The following JAKMIP3 variants were observed in gnomAD, a reference collection of about 807,000 sequenced individuals.
JAKMIP3 encodes the protein Janus kinase and microtubule interacting protein 3.
JAKMIP3 carries 58 observed loss-of-function variants against 118.5 expected under a neutral mutation model. That is an observed-to-expected ratio of 0.49 (90% CI 0.40 to 0.61). The LOEUF is 0.61. Ranked by LOEUF, JAKMIP3 falls within the 20% of genes least tolerant of loss-of-function variation. The pLI is 0.00. For synonymous variants in JAKMIP3, 486 were observed against 451.2 expected (o/e 1.08, Z -0.98); for missense variants, 950 against 1,109.0 (o/e 0.86, Z 2.04).
At chr10:132,150,195 G>C (rs1011767780) in intron 16 of JAKMIP3, among the ~76,000 whole-genome samples, 154 bp downstream of exon 16, 1 of 151,620 alleles carries the variant, frequency 6.6e-6, no homozygotes, top group Non-Finnish European at 1.5e-5. Context: ...GCTCAGAATC[G>C]GAGCCTTCCT....
chr10:132,077,006 G>A (rs1389181643), intron 1 of JAKMIP3, among the ~76,000 whole-genome samples: 4 of 152,086 alleles, frequency 2.6e-5, no homozygotes, highest in African/African-American at 7.2e-5. Context: ...GGGTCTTACC[G>A]CGTGAGGGCT....
intron 1 of JAKMIP3, among the ~76,000 whole-genome samples, chr10:132,068,752 G>A (rs1191405269): frequency 6.6e-6 from 1 of 152,174 alleles, no homozygotes; most frequent in Non-Finnish European, 1.5e-5. Flanking sequence ...AGGCTCTCAG[G>A]AGCTGAGTTC....
At chr10:132,172,503 G>A (rs1232501626) in intron 23 of JAKMIP3, among the ~76,000 whole-genome samples, 4 of 152,050 alleles carry the variant, frequency 2.6e-5, no homozygotes, top group Admixed American at 2.0e-4. Flanking sequence ...CTGTGGGGAC[G>A]TGCTCTCCCC....
intron 2 of JAKMIP3, among the ~76,000 whole-genome samples, chr10:132,114,982 A>C (rs1012745625): frequency 6.6e-6 from 1 of 152,196 alleles, no homozygotes; most frequent in Non-Finnish European, 1.5e-5. Context: ...CATTCAACCA[A>C]TGTAATGAAT....
At chr10:132,081,656 T>C (rs2041779999) in intron 1 of JAKMIP3, among the ~76,000 whole-genome samples, 1 of 152,170 alleles carries the variant, frequency 6.6e-6, no homozygotes, top group Non-Finnish European at 1.5e-5. Flanking sequence ...GCCTCCGTTA[T>C]TCTTGTCCTC....
At chr10:132,060,096 G>C (rs1446096972), upstream of JAKMIP3, among the ~76,000 whole-genome samples, 1 of 152,172 alleles carries the variant, frequency 6.6e-6, no homozygotes, top group Admixed American at 6.5e-5. Context: ...TTGGACCCTC[G>C]ATGCACTGAG....
intron 16 of JAKMIP3, among the ~76,000 whole-genome samples, chr10:132,150,860 C>G (rs556957630): frequency 6.6e-6 from 1 of 152,248 alleles, no homozygotes; most frequent in Admixed American, 6.5e-5. Flanking sequence ...CATAATCCAT[C>G]TATCCATCCT....
At chr10:132,098,907 G>A (rs1207446468) in intron 1 of JAKMIP3, among the ~76,000 whole-genome samples, 1 of 152,228 alleles carries the variant, frequency 6.6e-6, no homozygotes, top group African/African-American at 2.4e-5. Context: ...CCTCCTCAGG[G>A]TGTTCTTACA....
chr10:132,170,536 A>C (rs114634134), intron 23 of JAKMIP3, among the ~76,000 whole-genome samples: 2,809 of 152,268 alleles, frequency 0.018, 95 homozygotes, highest in African/African-American at 0.065. Context: ...GGCCCCCCAC[A>C]GCTGCCCTCG....
intron 1 of JAKMIP3, among the ~76,000 whole-genome samples, chr10:132,051,755 G>A (rs1289045207): frequency 6.6e-6 from 1 of 152,108 alleles, no homozygotes; most frequent in Admixed American, 6.5e-5. Flanking sequence ...AGAGGCATCG[G>A]CAATCACACC....
intron 2 of JAKMIP3, among the ~76,000 whole-genome samples, chr10:132,115,397 AGAG>A (rs2047487143): frequency 2.6e-5 from 4 of 152,226 alleles, no homozygotes; most frequent in Non-Finnish European, 4.4e-5. Flanking sequence ...CCAGCGGCCC[AGAG>A]GAGGCCTCCG....
chr10:132,121,897 G>T (rs1335894352), intron 3 of JAKMIP3, among the ~76,000 whole-genome samples: 1 of 152,182 alleles, frequency 6.6e-6, no homozygotes, highest in Admixed American at 6.5e-5. Flanking sequence ...GTGAAGGAGG[G>T]GGAGGGTCTG....
At chr10:132,147,761 C>T (rs1299451634) in intron 13 of JAKMIP3, among the ~76,000 whole-genome samples, 191 bp from the exon 14 acceptor site, 4 of 152,264 alleles carry the variant, frequency 2.6e-5, no homozygotes, top group African/African-American at 9.6e-5. Flanking sequence ...CACCCACCAC[C>T]GGATGGCTAG....
In JAKMIP3 at chr10:132,162,059, G is replaced by T. The variant is rs558402657; in HGVS notation, c.2221-1150G>T. Among the ~76,000 whole-genome samples the T allele has an allele frequency of 2.3e-5, 3 of 128,086 alleles. No homozygotes were observed. The South Asian group carries it at 7.9e-4, about 34-fold the overall frequency. 84.0% of individuals were successfully genotyped at this position (128,086 alleles called of 152,430 possible). A position where few individuals can be genotyped will look rare whatever the true frequency, so the allele number is the denominator to read the frequency against. On this transcript the variant is annotated intron_variant, in intron 19 of 23. Transcript: ENST00000684848. ...GTCGTTCATGGTGTGGCTCTCGGTCGCTCGGGTGCCCTCAGGTGACCCACA... is the reference window on the plus strand; with the variant it reads ...GTCGTTCATGGTGTGGCTCTCGGTCTCTCGGGTGCCCTCAGGTGACCCACA...
In JAKMIP3 at chr10:132,104,692, TG is replaced by T. The variant is rs1400542580; in HGVS notation, c.-116del. 9.6e-7 allele frequency: 1 copy of T among 1,037,584 alleles called. No individual in the cohort carries two copies. The highest frequency in any genetic ancestry group is 1.4e-6 in the Non-Finnish European group (1 of 707,432). 64.3% of individuals were successfully genotyped at this position (1,037,584 alleles called of 1,614,324 possible). Reference sequence around the variant, plus strand: ...TCCAGGTGAATGAGAAGATGTAGTGTGACAGCAGCCCGGGTGACACCTGCTG... The same window carrying T: ...TCCAGGTGAATGAGAAGATGTAGTGTACAGCAGCCCGGGTGACACCTGCTG... On this transcript the variant is annotated 5_prime_UTR_variant, in exon 2 of 24. The change creates a premature stop within an existing upstream ORF in the 5' untranslated region. Transcript: ENST00000684848.
At chr10:132,067,420 A>G (rs2038961520) in intron 1 of JAKMIP3, among the ~76,000 whole-genome samples, 1 of 151,882 alleles carries the variant, frequency 6.6e-6, no homozygotes, top group Non-Finnish European at 1.5e-5. Flanking sequence ...AGCCCTGGGA[A>G]GGCCTTACTA....
intron 3 of JAKMIP3, among the ~76,000 whole-genome samples, chr10:132,129,337 C>A (rs2050161719): frequency 6.6e-6 from 1 of 152,212 alleles, no homozygotes; most frequent in South Asian, 2.1e-4. Context: ...CAGCCACTTA[C>A]ATTTCTACTT....
intron 1 of JAKMIP3, among the ~76,000 whole-genome samples, chr10:132,087,928 A>G (rs1046406875): frequency 6.6e-6 from 1 of 151,902 alleles, no homozygotes; most frequent in African/African-American, 2.4e-5. Flanking sequence ...TCATTGTTCA[A>G]TTCCCACCTA....
chr10:132,059,899 T>A (rs540033638), upstream of JAKMIP3, among the ~76,000 whole-genome samples: 1 of 152,238 alleles, frequency 6.6e-6, no homozygotes, highest in African/African-American at 2.4e-5. Flanking sequence ...GAGCTTTCAA[T>A]CTGGGTTGCT....
Sources: gnomAD v4.1 joint callset for allele counts (sites outside exome capture counted in the v4.1 genomes callset) on GRCh38, gnomAD v4.1.1 for gene constraint, MANE v1.5 for transcripts, NCBI Gene and HGNC (gene_info 2026-07-23, HGNC 2026-07-21) for gene names.